The following WDR86 variants were observed in gnomAD, a reference collection of about 807,000 sequenced individuals.
WDR86 encodes the protein WD repeat domain 86, also known as WD repeat-containing protein 86.
WDR86 carries 30 observed loss-of-function variants against 36.5 expected under a neutral mutation model. That is an observed-to-expected ratio of 0.82 (90% CI 0.61 to 1.11). The LOEUF is 1.11. Among genes scored for constraint, WDR86 ranks in the 50% most tolerant of loss-of-function variants. WDR86 has a pLI of 0.00. For synonymous variants in WDR86, 255 were observed against 252.9 expected, an observed-to-expected ratio of 1.01 and a Z score of -0.08; for missense variants, 545 against 561.2, an observed-to-expected ratio of 0.97 and a Z score of 0.29.
chr7:151,370,607 T>A, the WDR86 span, among the ~76,000 whole-genome samples: 1 of 152,112 alleles, frequency 6.6e-6, no homozygotes. Flanking sequence ...GTTAGTTACA[T>A]ATGTATACAT....
At chr7:151,379,615 T>C (rs909948268), downstream of WDR86, among the ~76,000 whole-genome samples, 9 of 152,216 alleles carry the variant, frequency 5.9e-5, no homozygotes, top group African/African-American at 2.2e-4. Flanking sequence ...GCCATCTTTA[T>C]GTCCTCAACA....
chr7:151,380,517 T>C (rs1410017022), downstream of WDR86, among the ~76,000 whole-genome samples: 1 of 152,092 alleles, frequency 6.6e-6, no homozygotes, highest in Non-Finnish European at 1.5e-5. Flanking sequence ...CTGCAGCTTC[T>C]CTCCTGGCAC....
At position 151,381,437 on chromosome 7, in the gene WDR86, C is replaced by T. The variant is rs748656820; in HGVS notation, c.*145G>A. 30 of 1,491,580 alleles carry T rather than the reference C, an allele frequency of 2.0e-5. No homozygotes were observed. The highest frequency in any genetic ancestry group is 4.4e-5 in the African/African-American group (3 of 68,818). 92.4% of individuals were successfully genotyped at this position (1,491,580 alleles called of 1,614,324 possible). On this transcript the variant is annotated 3_prime_UTR_variant, in exon 6 of 6. Transcript: ENST00000334493. The surrounding 1 kb of genome is among the most constrained non-coding windows in gnomAD (Gnocchi z 4.8). ...TCCTGGCCACCAAAGAAAAACCAGA[C>T]GCCTGCGACGGGCTCTCCTCCCGCC...
Position 151,381,982 on chromosome 7 carries a change from C to G in WDR86, c.863-1G>C. On this transcript the variant is annotated splice_acceptor_variant, in intron 4 of 5. Transcript: ENST00000334493. LOFTEE classifies it high-confidence loss of function. This position sits in a 1 kb window ranked among gnomAD's most constrained non-coding sequence, Gnocchi z 4.8. ...CAAGCGTCCCCGCTGCCCGTGAACACTGCGGACACACAGCGCGCGCTGGGC... is the reference window on the plus strand; with the variant it reads ...CAAGCGTCCCCGCTGCCCGTGAACAGTGCGGACACACAGCGCGCGCTGGGC... 3 of 1,599,036 alleles carry G rather than the reference C, an allele frequency of 1.9e-6. No individual in the cohort carries two copies. Among genetic ancestry groups the G allele is most frequent in the Non-Finnish European group, 2.6e-6 (3 of 1,173,686 alleles).
rs145593502 is a variant in WDR86, at chr7:151,386,722, G to C, written c.727-1499C>G. ...CCGGGCACACAGTCAGCTGCTTACA[G>C]TCTTCAACAGCCCCTCTGCTTCCTG... On this transcript the variant is annotated intron_variant, in intron 3 of 5. Transcript: ENST00000334493. Among the ~76,000 whole-genome samples, 19 of 152,292 alleles carry C rather than the reference G, an allele frequency of 1.2e-4. No homozygotes were observed. In the East Asian group the frequency reaches 1.9e-3, roughly 15 times the overall value.
At chr7:151,408,044 A>G (rs988436818) in intron 1 of WDR86, among the ~76,000 whole-genome samples, 1 of 152,180 alleles carries the variant, frequency 6.6e-6, no homozygotes, top group East Asian at 1.9e-4. Context: ...TTGAATGCCT[A>G]TAAGTGTGTG....
At chr7:151,391,344 T>G (rs1376085424) in intron 3 of WDR86, among the ~76,000 whole-genome samples, 2 of 152,172 alleles carry the variant, frequency 1.3e-5, no homozygotes, top group Non-Finnish European at 2.9e-5. Flanking sequence ...TTTAGGACAG[T>G]GTGAGAAATG....
Position 151,407,301 on chromosome 7 carries a change from G to A in WDR86, c.163+2126C>T, listed in dbSNP as rs111568252. ...CACCAAAGTGGGTGTGAAGGAAGGA[G>A]GCACAGGTGCCAGACACAGAGCTGG... On this transcript the variant is annotated intron_variant, in intron 1 of 5. Coordinates refer to ENST00000334493, the MANE Select transcript of WDR86 (RefSeq NM_198285.3). Among the ~76,000 whole-genome samples, 1,445 of 152,326 alleles carry A rather than the reference G, an allele frequency of 9.5e-3. 7 individuals are homozygous for A. Among genetic ancestry groups the A allele is most frequent in the Non-Finnish European group, 0.015 (1,005 of 68,026 alleles).
chr7:151,383,881 T>C (rs1315738208), intron 4 of WDR86, among the ~76,000 whole-genome samples: 4 of 152,348 alleles, frequency 2.6e-5, no homozygotes, highest in Admixed American at 2.6e-4. Flanking sequence ...CCCTGCGGGC[T>C]CCATGCCCCG....
Position 151,409,633 on chromosome 7 carries a change from G to A in WDR86, c.-44C>T. The A allele has an allele frequency of 7.5e-7, 1 of 1,327,284 alleles. No homozygotes were observed. Among genetic ancestry groups the A allele is most frequent in the Non-Finnish European group, 9.6e-7 (1 of 1,042,976 alleles). The allele number at this position is 1,327,284 out of a possible 1,614,324, so 82.2% of individuals were successfully genotyped here. On this transcript the variant is annotated 5_prime_UTR_variant, in exon 1 of 6. Coordinates refer to ENST00000334493, the MANE Select transcript of WDR86 (RefSeq NM_198285.3). The surrounding 1 kb of genome is among the most constrained non-coding windows in gnomAD (Gnocchi z 5.2). Reference sequence around the variant, plus strand: ...AACAAGAAGGAGCTGCGCCCCGCTAGGGAGGGGCGCCCCGGGGTCCGCGCG... The same window carrying A: ...AACAAGAAGGAGCTGCGCCCCGCTAAGGAGGGGCGCCCCGGGGTCCGCGCG...
chr7:151,373,699 A>C (rs758189583), downstream of WDR86, among the ~76,000 whole-genome samples: 2 of 152,214 alleles, frequency 1.3e-5, no homozygotes, highest in Non-Finnish European at 2.9e-5. Flanking sequence ...AGGCCTTCCC[A>C]CCGCGTGCAG....
intron 3 of WDR86, among the ~76,000 whole-genome samples, chr7:151,393,241 C>A (rs372794398): frequency 6.6e-6 from 1 of 152,154 alleles, no homozygotes; most frequent in Non-Finnish European, 1.5e-5. Context: ...GTGGGGTGTG[C>A]GTTCACACGC....
Position 151,405,416 on chromosome 7 carries a change from G to A in WDR86, c.163+4011C>T, listed in dbSNP as rs537744156. ...GAAGAGGTGACAGCCTTGCTGTTCC[G>A]AGCCACGGCCACTGTGGTTCCCTTA... On this transcript the variant is annotated intron_variant, in intron 1 of 5. Transcript: ENST00000334493. This position sits in a 1 kb window ranked among gnomAD's most constrained non-coding sequence, Gnocchi z 4.7. 7.9e-5 allele frequency among the ~76,000 whole-genome samples: 12 copies of A among 152,278 alleles called. No individual in the cohort carries two copies. Among genetic ancestry groups the A allele is most frequent in the East Asian group, 7.7e-4 (4 of 5,170 alleles).
chr7:151,379,758 C>G (rs116294626), downstream of WDR86, among the ~76,000 whole-genome samples: 1,215 of 152,314 alleles, frequency 8.0e-3, 13 homozygotes, highest in African/African-American at 0.028. Flanking sequence ...TTGATGCATG[C>G]TCCATTCTCT....
At chr7:151,408,732 C>G in intron 1 of WDR86, 1 of 381,634 alleles carries the variant, frequency 2.6e-6, no homozygotes, top group Non-Finnish European at 5.4e-6. Context: ...GTGCATGGGA[C>G]AGGCCCAGGG....
intron 2 of WDR86, among the ~76,000 whole-genome samples, chr7:151,397,787 CATA>C (rs1799965385): frequency 5.2e-4 from 24 of 46,144 alleles, no homozygotes; most frequent in African/African-American, 1.7e-3. Context: ...GGAGGAAGGG[CATA>C]GCGGGAGGAA....
At chr7:151,407,703 T>C (rs1227143269) in intron 1 of WDR86, among the ~76,000 whole-genome samples, 1 of 152,086 alleles carries the variant, frequency 6.6e-6, no homozygotes, top group Non-Finnish European at 1.5e-5. Context: ...TAGCTGGGCG[T>C]GGTGGCGAGC....
At chr7:151,393,512 C>T (rs1192538082) in intron 3 of WDR86, among the ~76,000 whole-genome samples, 2 of 152,190 alleles carry the variant, frequency 1.3e-5, no homozygotes, top group South Asian at 2.1e-4. Flanking sequence ...CTCCCCCCTC[C>T]GTCCAGCACC....
At chr7:151,389,414 C>T (rs1387164046) in intron 3 of WDR86, among the ~76,000 whole-genome samples, 5 of 152,222 alleles carry the variant, frequency 3.3e-5, no homozygotes, top group Non-Finnish European at 5.9e-5. Flanking sequence ...GTGGTGCAGA[C>T]ACCACAGCTC....
Sources: allele counts gnomAD v4.1 joint callset (sites outside exome capture counted in the v4.1 genomes callset), GRCh38; gene constraint gnomAD v4.1.1; non-coding constraint Gnocchi (gnomAD v3.1); transcripts MANE v1.5; gene names NCBI Gene and HGNC (gene_info 2026-07-23, HGNC 2026-07-21).